The following PLXNA1 variants were observed in gnomAD, a reference collection of about 807,000 sequenced individuals.
PLXNA1 encodes the protein plexin A1.
In PLXNA1, 77 loss-of-function variants were observed where a neutral mutation model predicts 191.7. The ratio of observed to expected loss-of-function variants is 0.40; its 90% CI spans 0.33 to 0.49. The LOEUF is 0.49. Among genes scored for constraint, PLXNA1 ranks in the 20% least tolerant of loss-of-function variants. The pLI, the probability that PLXNA1 is intolerant of heterozygous loss-of-function variation, is 0.63. For synonymous variants in PLXNA1, 1,137 were observed against 1,156.4 expected (o/e 0.98, Z 0.34); for missense variants, 2,110 against 2,660.2 (o/e 0.79, Z 4.55).
intron 1 of PLXNA1, among the ~76,000 whole-genome samples, chr3:126,983,530 G>T (rs1321338613): frequency 6.8e-6 from 1 of 146,526 alleles, no homozygotes; most frequent in African/African-American, 2.4e-5. Context: ...GTCCGGGCGC[G>T]GTCGCGGCGC....
At chr3:127,014,157 G>A (rs1357675645) in intron 11 of PLXNA1, 25 bp from the exon 12 acceptor site, 8 of 1,612,420 alleles carry the variant, frequency 5.0e-6, no homozygotes, top group South Asian at 3.3e-5. Flanking sequence ...GGGCGGGCCC[G>A]AGCTGACCGC....
intron 20 of PLXNA1, 55 bp downstream of exon 20, chr3:127,018,583 G>GC: frequency 2.1e-6 from 3 of 1,417,042 alleles, no homozygotes; most frequent in Non-Finnish European, 2.9e-6. Flanking sequence ...CCAGGCCCTG[G>GC]CCTGTCCCCA....
intron 3 of PLXNA1, among the ~76,000 whole-genome samples, chr3:127,002,416 G>A (rs1404297258): frequency 3.9e-5 from 6 of 152,242 alleles, no homozygotes; most frequent in Admixed American, 2.0e-4. Flanking sequence ...CTGATGGATC[G>A]GACTCCAACC....
chr3:127,017,369 G>A, intron 17 of PLXNA1, 56 bp from the exon 18 acceptor site: 1 of 1,574,562 alleles, frequency 6.4e-7, no homozygotes. Flanking sequence ...CTGTCACTGG[G>A]AGCTGCCGGG....
chr3:126,986,803 C>T (rs2107619341), intron 1 of PLXNA1, among the ~76,000 whole-genome samples: 1 of 152,308 alleles, frequency 6.6e-6, no homozygotes, highest in South Asian at 2.1e-4. Flanking sequence ...GGCAGGCAGC[C>T]CCACACTGCA....
chr3:127,028,455 T>C (rs913924567), intron 25 of PLXNA1, 115 bp downstream of exon 25: 1 of 1,226,424 alleles, frequency 8.2e-7, no homozygotes, highest in East Asian at 2.5e-5. Flanking sequence ...ACCAGGCTGG[T>C]CTGGAGGGCA....
chr3:127,004,599 C>T lies in PLXNA1; in HGVS notation c.1519-12C>T. 2 of 1,553,856 alleles carry T rather than the reference C, an allele frequency of 1.3e-6. No homozygotes were observed. The highest frequency in any genetic ancestry group is 2.4e-5 in the East Asian group (1 of 41,910). On this transcript the variant is annotated splice_polypyrimidine_tract_variant and intron_variant, in intron 4 of 31. Coordinates refer to ENST00000393409, the MANE Select transcript of PLXNA1 (RefSeq NM_032242.4). Reference sequence around the variant, plus strand: ...GTGGTACTGGAGGGGCCTGACACCTCCCCCACACCAGGTGACGCGGGTGCC... The same window carrying T: ...GTGGTACTGGAGGGGCCTGACACCTTCCCCACACCAGGTGACGCGGGTGCC...
At chr3:127,021,336 G>A (rs2079151322) in intron 21 of PLXNA1, among the ~76,000 whole-genome samples, 1 of 152,194 alleles carries the variant, frequency 6.6e-6, no homozygotes, top group Admixed American at 6.5e-5. Context: ...TTCTGCCTGG[G>A]CCATTACCTG....
chr3:127,008,896 G>A (rs1001653853), intron 9 of PLXNA1, among the ~76,000 whole-genome samples: 6 of 152,158 alleles, frequency 3.9e-5, no homozygotes, highest in African/African-American at 9.7e-5. Flanking sequence ...AGGGTAGCCC[G>A]GGGCAGCAGG....
chr3:127,003,526 A>ACC, intron 4 of PLXNA1, 56 bp downstream of exon 4: 1 of 1,534,284 alleles, frequency 6.5e-7, no homozygotes, highest in Non-Finnish European at 8.8e-7. Flanking sequence ...TCCTACCAGG[A>ACC]ACCCCAGTCA....
At chr3:127,014,653 C>T (rs374379095) in intron 13 of PLXNA1, 24 bp downstream of exon 13, 43 of 957,644 alleles carry the variant, frequency 4.5e-5, no homozygotes, top group East Asian at 3.6e-4. Flanking sequence ...TGGGTGTGTG[C>T]GGGGCGGGAC....
intron 3 of PLXNA1, among the ~76,000 whole-genome samples, chr3:126,999,323 C>G (rs563631640): frequency 6.6e-6 from 1 of 152,228 alleles, no homozygotes; most frequent in Non-Finnish European, 1.5e-5. Flanking sequence ...GCTGCTGCCC[C>G]GGTCTTTGCC....
intron 26 of PLXNA1, 31 bp from the exon 27 acceptor site, chr3:127,029,409 G>A (rs2079194475): frequency 1.3e-6 from 2 of 1,595,528 alleles, no homozygotes; most frequent in African/African-American, 1.3e-5. Flanking sequence ...CACCCTGGTG[G>A]GTCACAGGGT....
chr3:127,019,444 C>G (rs1179709396), intron 20 of PLXNA1, among the ~76,000 whole-genome samples: 1 of 152,170 alleles, frequency 6.6e-6, no homozygotes, highest in Non-Finnish European at 1.5e-5. Context: ...GTGGCCTGGA[C>G]CTCCCTTGTG....
chr3:127,026,081 C>G (rs1017335984), intron 23 of PLXNA1, among the ~76,000 whole-genome samples: 1 of 152,176 alleles, frequency 6.6e-6, no homozygotes, highest in African/African-American at 2.4e-5. Flanking sequence ...GCAGTTTTTG[C>G]ACATTCCTGA....
chr3:127,013,037 G>A (rs932596284), intron 10 of PLXNA1, among the ~76,000 whole-genome samples: 2 of 152,204 alleles, frequency 1.3e-5, no homozygotes, highest in South Asian at 4.1e-4. Context: ...GAGGTCTGGA[G>A]CCCCTTGGCT....
At chr3:127,023,278 C>G (rs751463468) in intron 23 of PLXNA1, among the ~76,000 whole-genome samples, 1 of 152,240 alleles carries the variant, frequency 6.6e-6, no homozygotes, top group Non-Finnish European at 1.5e-5. Context: ...AGAACAGGAA[C>G]AGGGTGTAGG....
chr3:127,022,701 C>T (rs146748680), intron 22 of PLXNA1, 51 bp from the exon 23 acceptor site: 23,082 of 1,548,040 alleles, frequency 0.015, 226 homozygotes, highest in Non-Finnish European at 0.018. Context: ...GGCCCTGTGC[C>T]TGCTGGACAG....
In PLXNA1 at chr3:126,984,668, C is replaced by T. The variant is rs1316014248; in HGVS notation, c.-74+1381C>T. On this transcript the variant is annotated intron_variant, in intron 1 of 31. Coordinates refer to ENST00000393409, the MANE Select transcript of PLXNA1 (RefSeq NM_032242.4). ...GAAGGGCGTTTTGGGCAGAGGACAG[C>T]ATGGGCGGAGGCCTGGGTTTGTGGC... Among the ~76,000 whole-genome samples the T allele has an allele frequency of 3.3e-5, 5 of 152,202 alleles. No homozygotes were observed. In the East Asian group the frequency reaches 9.7e-4, roughly 29 times the overall value.
Sources: allele counts gnomAD v4.1 joint callset (sites outside exome capture counted in the v4.1 genomes callset), GRCh38; gene constraint gnomAD v4.1.1; transcripts MANE v1.5; gene names NCBI Gene and HGNC (gene_info 2026-07-23, HGNC 2026-07-21).